NEGR1: variants seen among roughly 807,000 people sequenced by gnomAD.
The protein encoded by NEGR1 is IgLON family member 4.
Under a neutral mutation model 40.9 loss-of-function variants are expected in NEGR1, and 10 were observed. The observed-to-expected ratio is 0.24, with a 90% CI of 0.15 to 0.42. The LOEUF (loss-of-function observed/expected upper bound fraction) is 0.42, where lower values mean the gene tolerates loss of function less well. NEGR1 is among the 10% of genes least tolerant of loss of function. The probability of loss-of-function intolerance (pLI) is 1.00; values close to 1 mark genes in which losing one functional copy is unlikely to be tolerated. For synonymous variants in NEGR1, 185 were observed against 166.8 expected (o/e 1.11, Z -0.84); for missense variants, 352 against 438.9 (o/e 0.80, Z 1.77).
Position 72,085,947 on chromosome 1 carries a change from C to T in NEGR1, c.177-150636G>A, listed in dbSNP as rs372754081. Among the ~76,000 whole-genome samples, 558 of 123,346 alleles carry T rather than the reference C, an allele frequency of 4.5e-3. 2 individuals are homozygous for T. Among genetic ancestry groups the T allele is most frequent in the Middle Eastern group, 0.011 (2 of 174 alleles). The allele number at this position is 123,346 out of a possible 152,430, so 80.9% of individuals were successfully genotyped here. A position where few individuals can be genotyped will look rare whatever the true frequency, so the allele number is the denominator to read the frequency against. The stretch of plus-strand genomic sequence containing the variant: ...ATTGCACCACTGTACTCCAGCCTGG[C>T]GACAGAGTGAGACTCTGTCTCAAAA... On this transcript the variant is annotated intron_variant, in intron 1 of 6. Transcript: ENST00000357731.
intron 6 of NEGR1, among the ~76,000 whole-genome samples, chr1:71,521,188 A>G: frequency 6.6e-6 from 1 of 152,028 alleles, no homozygotes; most frequent in East Asian, 1.9e-4. Flanking sequence ...TATTTCAAGT[A>G]CAAAAGCACT....
chr1:71,825,513 G>T (rs490859), intron 2 of NEGR1, among the ~76,000 whole-genome samples: 2 of 151,620 alleles, frequency 1.3e-5, no homozygotes, highest in African/African-American at 4.8e-5. Context: ...AATACTACTA[G>T]TATGTTTATT....
chr1:71,800,997 C>A (rs1374495024), intron 2 of NEGR1, among the ~76,000 whole-genome samples: 1 of 152,124 alleles, frequency 6.6e-6, no homozygotes, highest in Non-Finnish European at 1.5e-5. Context: ...ACACTTTCAC[C>A]ACTACTACTT....
chr1:72,159,141 G>T (rs1367714785), intron 1 of NEGR1, among the ~76,000 whole-genome samples: 2 of 152,098 alleles, frequency 1.3e-5, no homozygotes, highest in African/African-American at 2.4e-5. Context: ...CTGCTATGCT[G>T]ATTTTGATAC....
At chr1:71,945,997 G>T (rs1239639052) in intron 1 of NEGR1, among the ~76,000 whole-genome samples, 1 of 152,106 alleles carries the variant, frequency 6.6e-6, no homozygotes, top group Non-Finnish European at 1.5e-5. Flanking sequence ...TAAGCACACT[G>T]ATCTTCCCAA....
intron 1 of NEGR1, among the ~76,000 whole-genome samples, chr1:72,133,092 A>G (rs923640088): frequency 2.6e-4 from 39 of 152,264 alleles, no homozygotes; most frequent in African/African-American, 8.9e-4. Context: ...AACAATACTC[A>G]TTTAAGAATA....
intron 1 of NEGR1, among the ~76,000 whole-genome samples, chr1:72,077,235 G>A (rs1223250179): frequency 6.6e-6 from 1 of 151,924 alleles, no homozygotes; most frequent in African/African-American, 2.4e-5. Flanking sequence ...CGAATGTGAT[G>A]TATGCAACCG....
chr1:72,044,289 T>C (rs1222256869), intron 1 of NEGR1, among the ~76,000 whole-genome samples: 2 of 138,136 alleles, frequency 1.4e-5, no homozygotes, highest in Non-Finnish European at 3.1e-5. Flanking sequence ...GTAAGTTCAA[T>C]GATAAATGCA....
At chr1:71,884,680 T>C (rs556369748) in intron 2 of NEGR1, among the ~76,000 whole-genome samples, 1 of 152,254 alleles carries the variant, frequency 6.6e-6, no homozygotes, top group South Asian at 2.1e-4. Flanking sequence ...ATGACACACT[T>C]GCCACTTTCA....
At chr1:71,996,641 A>C (rs1646506845) in intron 1 of NEGR1, among the ~76,000 whole-genome samples, 1 of 152,036 alleles carries the variant, frequency 6.6e-6, no homozygotes, top group Non-Finnish European at 1.5e-5. Context: ...TATGATCTTG[A>C]TCCCATTCCT....
chr1:71,449,358 A>G (rs1388782669), intron 6 of NEGR1, among the ~76,000 whole-genome samples: 5 of 152,190 alleles, frequency 3.3e-5, no homozygotes, highest in Non-Finnish European at 7.4e-5. Flanking sequence ...ATTTTTCACA[A>G]TCACTTTTAT....
chr1:71,898,196 A>T (rs1417675669), intron 2 of NEGR1, among the ~76,000 whole-genome samples: 2 of 152,222 alleles, frequency 1.3e-5, no homozygotes, highest in African/African-American at 4.8e-5. Context: ...AATTTCCGTC[A>T]TTGAGGAAGC....
At chr1:72,157,828 G>A (rs1651414431) in intron 1 of NEGR1, among the ~76,000 whole-genome samples, 2 of 152,036 alleles carry the variant, frequency 1.3e-5, no homozygotes, top group Admixed American at 6.6e-5. Flanking sequence ...CCTTGTACAG[G>A]CCAAGAACAC....
intron 6 of NEGR1, among the ~76,000 whole-genome samples, chr1:71,565,756 T>C (rs1284097152): frequency 1.3e-5 from 2 of 152,152 alleles, no homozygotes; most frequent in East Asian, 3.9e-4. Flanking sequence ...AGGGCATCAG[T>C]GGAACCAGAC....
intron 3 of NEGR1, among the ~76,000 whole-genome samples, chr1:71,734,291 CTTT>C (rs1270894939): frequency 8.5e-5 from 13 of 152,182 alleles, no homozygotes; most frequent in African/African-American, 3.1e-4. Flanking sequence ...CAAATTCTAT[CTTT>C]ATCCCTCCCT....
intron 1 of NEGR1, among the ~76,000 whole-genome samples, chr1:72,057,945 C>G (rs1047739179): frequency 6.6e-6 from 1 of 151,638 alleles, no homozygotes. Flanking sequence ...CAAACATAGT[C>G]ACATTGGGGT....
intron 6 of NEGR1, among the ~76,000 whole-genome samples, chr1:71,472,946 A>G (rs189034012): frequency 1.5e-3 from 221 of 152,224 alleles, no homozygotes; most frequent in African/African-American, 5.2e-3. Flanking sequence ...TAACTATGAA[A>G]CAATGGGACA....
At chr1:71,963,695 T>C (rs1485405530) in intron 1 of NEGR1, among the ~76,000 whole-genome samples, 1 of 152,194 alleles carries the variant, frequency 6.6e-6, no homozygotes, top group Non-Finnish European at 1.5e-5. Flanking sequence ...AAACAAACTT[T>C]ATTAAAATGT....
At chr1:72,268,267 C>A (rs1337106578) in intron 1 of NEGR1, among the ~76,000 whole-genome samples, 1 of 151,356 alleles carries the variant, frequency 6.6e-6, no homozygotes, top group Admixed American at 6.6e-5. Context: ...CTGTGTCTGA[C>A]ACTGCTTTTG....
Sources: allele counts gnomAD v4.1 joint callset (sites outside exome capture counted in the v4.1 genomes callset), GRCh38; gene constraint gnomAD v4.1.1; transcripts MANE v1.5; gene names NCBI Gene and HGNC (gene_info 2026-07-23, HGNC 2026-07-21).